The following GTF2IRD1 variants were observed in gnomAD, a reference collection of about 807,000 sequenced individuals.
GTF2IRD1 encodes the protein GTF2I repeat domain containing 1, also known as general transcription factor II-I repeat domain-containing protein 1.
GTF2IRD1 carries 26 observed loss-of-function variants against 113.2 expected under a neutral mutation model. The ratio of observed to expected loss-of-function variants is 0.23; its 90% CI spans 0.17 to 0.32. The LOEUF is 0.32. Among genes scored for constraint, GTF2IRD1 ranks in the 10% least tolerant of loss-of-function variants. The pLI is 1.00. For synonymous variants in GTF2IRD1, 484 were observed against 529.1 expected, an observed-to-expected ratio of 0.91 and a Z score of 1.17; for missense variants, 864 against 1,280.8, an observed-to-expected ratio of 0.67 and a Z score of 4.97.
At chr7:74,485,865 G>T (rs908166336) in intron 1 of GTF2IRD1, among the ~76,000 whole-genome samples, 1 of 152,056 alleles carries the variant, frequency 6.6e-6, no homozygotes, top group Non-Finnish European at 1.5e-5. Context: ...AGGTGGGGCT[G>T]CAGTGAGCTA....
Position 74,589,123 on chromosome 7 carries a change from AAGCAAGAGGATCACTTGAGGCC to A in GTF2IRD1, c.2321-711_2321-690del, listed in dbSNP as rs1301824024. 1.2e-4 allele frequency among the ~76,000 whole-genome samples: 18 copies of A among 152,252 alleles called. No individual in the cohort carries two copies. The South Asian group carries it at 3.5e-3, about 30-fold the overall frequency. ...GTAATTCCTGAACTTTGGGAGGGCA[AAGCAAGAGGATCACTTGAGGCC>A]AGCAAGAGGATCACTTCAGCCTGGG... On this transcript the variant is annotated intron_variant, in intron 22 of 26. Transcript: ENST00000424337.
intron 14 of GTF2IRD1, among the ~76,000 whole-genome samples, chr7:74,541,911 AATAGATAG>A (rs58094935): frequency 0.25 from 38,016 of 150,024 alleles, 4,977 homozygotes; most frequent in East Asian, 0.44. Flanking sequence ...AAAATAACTA[AATAGATAG>A]ATAGATAGAT....
rs150903694 is a variant in GTF2IRD1 at position 74,491,650 on chromosome 7, A to G, written c.-6-16425A>G. Among the ~76,000 whole-genome samples, 28 of 152,258 alleles carry G rather than the reference A, an allele frequency of 1.8e-4. No individual in the cohort carries two copies. In the East Asian group the frequency reaches 5.4e-3, roughly 29 times the overall value. On this transcript the variant is annotated intron_variant, in intron 1 of 26. Transcript: ENST00000424337. Reference sequence around the variant, plus strand: ...AGCTCCATCCATGTCCCTGCAAAGAACATGATCTTGTTCTTTTTTGTGGCT... The same window carrying G: ...AGCTCCATCCATGTCCCTGCAAAGAGCATGATCTTGTTCTTTTTTGTGGCT...
chr7:74,468,170 G>A (rs956261220), intron 1 of GTF2IRD1, among the ~76,000 whole-genome samples: 10 of 152,018 alleles, frequency 6.6e-5, no homozygotes, highest in African/African-American at 2.4e-4. Context: ...TTGGCTACAG[G>A]TAATTAAACA....
intron 8 of GTF2IRD1, among the ~76,000 whole-genome samples, chr7:74,527,692 A>G (rs1453257841): frequency 6.6e-6 from 1 of 152,204 alleles, no homozygotes; most frequent in East Asian, 1.9e-4. Flanking sequence ...AAATACAAAA[A>G]TTAGCTGGGC....
chr7:74,506,285 T>G (rs1796292210), intron 1 of GTF2IRD1: 1 of 152,194 alleles, frequency 6.6e-6, no homozygotes, highest in Non-Finnish European at 1.5e-5. Context: ...TTGGGCCTTA[T>G]GCACACTGGG....
chr7:74,491,656 T>C (rs908366509), intron 1 of GTF2IRD1, among the ~76,000 whole-genome samples: 7 of 152,114 alleles, frequency 4.6e-5, no homozygotes, highest in African/African-American at 1.7e-4. Context: ...AAGAACATGA[T>C]CTTGTTCTTT....
At chr7:74,573,081 G>C (rs1583923504) in intron 22 of GTF2IRD1, among the ~76,000 whole-genome samples, 1 of 152,226 alleles carries the variant, frequency 6.6e-6, no homozygotes, top group East Asian at 1.9e-4. Flanking sequence ...ACACGTCGGG[G>C]AAGGGAACTC....
intron 20 of GTF2IRD1, 144 bp from the exon 21 acceptor site, chr7:74,558,717 A>G: frequency 1.8e-6 from 1 of 571,156 alleles, no homozygotes; most frequent in Non-Finnish European, 3.0e-6. Context: ...ATACCTTTCC[A>G]CAGTGCTACA....
chr7:74,477,902 G>A (rs1043130792), intron 1 of GTF2IRD1, among the ~76,000 whole-genome samples: 5 of 152,198 alleles, frequency 3.3e-5, no homozygotes, highest in Non-Finnish European at 5.9e-5. Context: ...GAGAAGGCAT[G>A]TTTATGTCTG....
chr7:74,519,298 C>T (rs1797125483), intron 5 of GTF2IRD1, 111 bp from the exon 6 acceptor site: 1 of 684,262 alleles, frequency 1.5e-6, no homozygotes, highest in African/African-American at 1.8e-5. Flanking sequence ...CTGCCCTCCT[C>T]ATGGGGCTGT....
In GTF2IRD1 at chr7:74,494,613, T is replaced by C. The variant is rs182476949; in HGVS notation, c.-6-13462T>C. 8.9e-4 allele frequency among the ~76,000 whole-genome samples: 136 copies of C among 152,244 alleles called. 1 individual carries two copies. The highest frequency in any genetic ancestry group is 8.7e-4 in the Non-Finnish European group (59 of 68,020). On this transcript the variant is annotated intron_variant, in intron 1 of 26. Transcript: ENST00000424337. ...ATGACACCACTTGTTGGGAGAAGTATTAAGAACTTATTTATTTATTTTTTT... is the reference window on the plus strand; with the variant it reads ...ATGACACCACTTGTTGGGAGAAGTACTAAGAACTTATTTATTTATTTTTTT...
intron 1 of GTF2IRD1, chr7:74,507,349 GTA>G (rs1270541195): frequency 1.3e-5 from 2 of 152,174 alleles, no homozygotes; most frequent in Non-Finnish European, 2.9e-5. Context: ...GGTGGCACCT[GTA>G]ATCCCAGCTA....
chr7:74,471,578 A>G (rs1323988803), intron 1 of GTF2IRD1, among the ~76,000 whole-genome samples: 3 of 146,034 alleles, frequency 2.1e-5, no homozygotes, highest in African/African-American at 7.5e-5. Flanking sequence ...CAGGAGGCTG[A>G]GGTGGGAGGG....
intron 17 of GTF2IRD1, among the ~76,000 whole-genome samples, chr7:74,552,942 A>G (rs1405834280): frequency 1.3e-5 from 2 of 152,100 alleles, no homozygotes; most frequent in Non-Finnish European, 2.9e-5. Flanking sequence ...GGTTCCAGCG[A>G]TTCCCCGGCC....
intron 1 of GTF2IRD1, among the ~76,000 whole-genome samples, chr7:74,496,272 G>A (rs1167539587): frequency 3.3e-5 from 5 of 150,224 alleles, no homozygotes; most frequent in Non-Finnish European, 7.4e-5. Context: ...ATGCATGTGA[G>A]TGGGTATGCG....
chr7:74,591,953 A>G (rs1252315360), intron 24 of GTF2IRD1, among the ~76,000 whole-genome samples: 11 of 151,266 alleles, frequency 7.3e-5, no homozygotes, highest in Non-Finnish European at 1.5e-4. Context: ...TTAATACAAT[A>G]GATTATTTGA....
chr7:74,589,065 T>A (rs1223257244), intron 22 of GTF2IRD1, among the ~76,000 whole-genome samples: 8 of 152,102 alleles, frequency 5.3e-5, no homozygotes, highest in Non-Finnish European at 8.8e-5. Context: ...GATAAAAAAA[T>A]GTGGGATGGG....
At chr7:74,472,912 G>T (rs1044968868) in intron 1 of GTF2IRD1, among the ~76,000 whole-genome samples, 1 of 152,178 alleles carries the variant, frequency 6.6e-6, no homozygotes, top group Non-Finnish European at 1.5e-5. Flanking sequence ...CTGGTGGGAG[G>T]CTTTGCTGCA....
Sources: allele counts gnomAD v4.1 joint callset (sites outside exome capture counted in the v4.1 genomes callset), GRCh38; gene constraint gnomAD v4.1.1; transcripts MANE v1.5; gene names NCBI Gene and HGNC (gene_info 2026-07-23, HGNC 2026-07-21).